Variants in XPO6 observed in about 807,000 individuals in gnomAD.
The protein encoded by XPO6 is exportin-6.
A neutral mutation model predicts 130.0 loss-of-function variants in XPO6; 3 were observed. The ratio of observed to expected loss-of-function variants is 0.02; its 90% CI spans 0.01 to 0.06. The LOEUF (loss-of-function observed/expected upper bound fraction) is 0.06. Among genes scored for constraint, XPO6 ranks in the 10% least tolerant of loss-of-function variants. The pLI is 1.00. For synonymous variants in XPO6, 524 were observed against 548.9 expected (o/e 0.95, Z 0.63); for missense variants, 970 against 1,393.0 (o/e 0.70, Z 4.83).
intron 1 of XPO6, among the ~76,000 whole-genome samples, chr16:28,199,465 A>C (rs1484110832): frequency 6.6e-6 from 1 of 151,524 alleles, no homozygotes; most frequent in Non-Finnish European, 1.5e-5. Context: ...TTAAGTAGAG[A>C]CAGGTTTCGC....
At position 28,204,963 on chromosome 16, in the gene XPO6, T is replaced by C. The variant is rs537601724; in HGVS notation, c.3+6403A>G. ...TATAATCCCAGCATTTTGGGAGGCC[T>C]AGGCAGGGGGATCCCTTGAGCCCAG... On this transcript the variant is annotated intron_variant, in intron 1 of 23. Transcript: ENST00000304658. Among the ~76,000 whole-genome samples, 3 of 152,174 alleles carry C rather than the reference T, an allele frequency of 2.0e-5. No individual in the cohort carries two copies. In the East Asian group the frequency reaches 5.8e-4, roughly 29 times the overall value.
At position 28,106,411 on chromosome 16, in the gene XPO6, T is replaced by C; in HGVS notation, c.2584A>G (p.Ile862Val). 6.2e-7 allele frequency: 1 copy of C among 1,614,196 alleles called. No individual in the cohort carries two copies. Among genetic ancestry groups the C allele is most frequent in the Non-Finnish European group, 8.5e-7 (1 of 1,180,012 alleles). ...GTAAACATGTTGAGGAAAGTCTGTA[T>C]GATTTGCTCAGTGAAAGGCACACCC... Reference protein sequence around the residue: ...QMGVPFTEQIIQTFLNMFTRE... With the variant: ...QMGVPFTEQIVQTFLNMFTRE... The change falls in exon 19 of 24, where the codon ATA (isoleucine) becomes GTA (valine). Residue 862 changes from isoleucine to valine, a missense_variant. Ile to Val is a conservative substitution (Grantham distance 29). Around this residue, in one of 4 missense-constraint regions of XPO6, gnomAD observed 936 missense variants for 1,306.8 expected, o/e 0.72. Coordinates refer to ENST00000304658, the MANE Select transcript of XPO6 (RefSeq NM_015171.4). The surrounding 1 kb of genome is among the most constrained non-coding windows in gnomAD (Gnocchi z 4.2).
intron 21 of XPO6, among the ~76,000 whole-genome samples, chr16:28,103,770 A>G (rs1167876800): frequency 1.3e-5 from 2 of 152,210 alleles, no homozygotes; most frequent in Non-Finnish European, 2.9e-5. Flanking sequence ...CTGCCACACA[A>G]GAGTCAGTAT....
chr16:28,147,803 C>T lies in XPO6; in HGVS notation c.1225-1600G>A, dbSNP rs146328926. On this transcript the variant is annotated intron_variant, in intron 8 of 23. Transcript: ENST00000304658. ...CTCTACTAAAAATACAAAAATTAGC[C>T]GAGCATGGCGATGCACGCCTGTGAT... Among the ~76,000 whole-genome samples, 795 of 152,274 alleles carry T rather than the reference C, an allele frequency of 5.2e-3. 4 individuals are homozygous for T. The highest frequency in any genetic ancestry group is 0.018 in the African/African-American group (751 of 41,568).
rs1280957262 is a variant in XPO6 at position 28,107,550 on chromosome 16, G to A, written c.2469C>T (p.Ala823=). ...SLQESVQVSL[A]LFPAFIHQSD... is the part of the protein sequence containing the mutation. Reference sequence around the variant, plus strand: ...ACTGATGGATAAAAGCTGGAAAGAGGGCCAGGGAGACCTGAACAGATTCCT... The same window carrying A: ...ACTGATGGATAAAAGCTGGAAAGAGAGCCAGGGAGACCTGAACAGATTCCT... Residue 823 remains alanine, a synonymous_variant, in exon 18 of 24, where the codon GCC becomes GCT. Transcript: ENST00000304658. The A allele has an allele frequency of 6.2e-7, 1 of 1,614,182 alleles. No individual in the cohort carries two copies. The highest frequency in any genetic ancestry group is 1.1e-5 in the South Asian group (1 of 91,080).
chr16:28,152,540 C>T (rs1172480647), intron 8 of XPO6, 119 bp downstream of exon 8: 1 of 1,245,424 alleles, frequency 8.0e-7, no homozygotes, highest in Non-Finnish European at 1.1e-6. Context: ...TGACTCTTCA[C>T]ATAATAAGCA....
chr16:28,106,259 G>C lies in XPO6; in HGVS notation c.2613-45C>G, dbSNP rs756468936. On this transcript the variant is annotated intron_variant, in intron 19 of 23. Coordinates refer to ENST00000304658, the MANE Select transcript of XPO6 (RefSeq NM_015171.4). The surrounding 1 kb of genome is among the most constrained non-coding windows in gnomAD (Gnocchi z 4.2). ...ACAGTGAGCAACCACATGTTTCTCT[G>C]GGGGCCAGCATGAAAACCCATGCTG... 1 of 1,608,484 alleles carries C rather than the reference G, an allele frequency of 6.2e-7. No individual in the cohort carries two copies. Among genetic ancestry groups the C allele is most frequent in the South Asian group, 1.1e-5 (1 of 90,934 alleles).
At chr16:28,126,210 A>T (rs2087404813) in intron 12 of XPO6, among the ~76,000 whole-genome samples, 1 of 152,212 alleles carries the variant, frequency 6.6e-6, no homozygotes, top group African/African-American at 2.4e-5. Context: ...GGCACTTGCC[A>T]AGCACGTGTC....
chr16:28,119,061 G>A (rs1303313664), intron 14 of XPO6, among the ~76,000 whole-genome samples: 1 of 152,202 alleles, frequency 6.6e-6, no homozygotes, highest in Non-Finnish European at 1.5e-5. Context: ...TGTTGCCCAG[G>A]CAGGAGTGCA....
intron 1 of XPO6, among the ~76,000 whole-genome samples, chr16:28,186,562 G>T (rs1010431177): frequency 9.3e-5 from 14 of 151,326 alleles, no homozygotes; most frequent in African/African-American, 2.9e-4. Context: ...TAGAGCCTGG[G>T]TCTTGCTCTG....
rs564781182 is a variant in XPO6 at position 28,117,280 on chromosome 16, GAGTT to G, written c.2004+34_2004+37del. On this transcript the variant is annotated intron_variant, in intron 15 of 23. Transcript: ENST00000304658. Reference sequence around the variant, plus strand: ...GTATAGGAACAGAAGGAGAGACAGAGAGTTAGATAAAAGGTGTAGGCTTTGCTGT... The same window carrying G: ...GTATAGGAACAGAAGGAGAGACAGAGAGATAAAAGGTGTAGGCTTTGCTGT... 115 of 1,610,562 alleles carry G rather than the reference GAGTT, an allele frequency of 7.1e-5. No homozygotes were observed. In the African/African-American group the frequency reaches 1.3e-3, roughly 18 times the overall value.
intron 2 of XPO6, among the ~76,000 whole-genome samples, chr16:28,178,324 T>C (rs1398759916): frequency 2.0e-5 from 3 of 152,062 alleles, no homozygotes; most frequent in Non-Finnish European, 4.4e-5. Flanking sequence ...ATCCCAGCAC[T>C]TTGAGAAGCT....
At chr16:28,121,630 T>A in intron 14 of XPO6, 40 bp downstream of exon 14, 1 of 1,416,278 alleles carries the variant, frequency 7.1e-7, no homozygotes, top group Non-Finnish European at 1.0e-6. Flanking sequence ...GGGGGCAAGG[T>A]CTTTCCTAAA....
chr16:28,210,493 G>A (rs2044110132), intron 1 of XPO6, among the ~76,000 whole-genome samples: 1 of 152,218 alleles, frequency 6.6e-6, no homozygotes, highest in East Asian at 1.9e-4. Context: ...TTTGGTCTTT[G>A]AAGGAGCTGT....
rs770078721 is a variant in XPO6, at chr16:28,107,695, T to C, written c.2342-18A>G. 2.5e-6 allele frequency: 4 copies of C among 1,612,044 alleles called. No individual in the cohort carries two copies. Among genetic ancestry groups the C allele is most frequent in the Admixed American group, 1.7e-5 (1 of 59,886 alleles). Reference sequence around the variant, plus strand: ...CAGTTTGGCTGCAAATCAAGATGAGTTGCAGGTTATAAGCTGTCTGGGGAG... The same window carrying C: ...CAGTTTGGCTGCAAATCAAGATGAGCTGCAGGTTATAAGCTGTCTGGGGAG... On this transcript the variant is annotated intron_variant, in intron 17 of 23. Transcript: ENST00000304658.
At chr16:28,141,317 C>T (rs28532216) in intron 9 of XPO6, among the ~76,000 whole-genome samples, 151,708 of 152,318 alleles carry the variant, frequency 1, 75,559 homozygotes, top group Middle Eastern at 1. Flanking sequence ...GGTTTCTTCA[C>T]CTTCCTGTAA....
intron 23 of XPO6, 142 bp from the exon 24 acceptor site, chr16:28,098,781 C>A: frequency 1.7e-6 from 1 of 577,620 alleles, no homozygotes; most frequent in South Asian, 2.4e-5. Flanking sequence ...CACTGTTGCA[C>A]TGCGTGTCAC....
chr16:28,198,061 C>T (rs1301942245), intron 1 of XPO6, among the ~76,000 whole-genome samples: 2 of 145,700 alleles, frequency 1.4e-5, no homozygotes, highest in African/African-American at 5.1e-5. Context: ...AAGGTTTTCG[C>T]AAAGACATTA....
Position 28,105,881 on chromosome 16 carries a change from T to C in XPO6, c.2784+162A>G, listed in dbSNP as rs529961947. On this transcript the variant is annotated intron_variant, in intron 20 of 23. Transcript: ENST00000304658. ...ATGAACTCAATCAATATAAAAACAC[T>C]GTACCACACCACTAAAGGCCTTCTT... 4.8e-6 allele frequency: 5 copies of C among 1,035,578 alleles called. No individual in the cohort carries two copies. The South Asian group carries it at 6.5e-5, about 13-fold the overall frequency. The allele number at this position is 1,035,578 out of a possible 1,614,324, so 64.1% of individuals were successfully genotyped here. A position where few individuals can be genotyped will look rare whatever the true frequency, so the allele number is the denominator to read the frequency against.
Sources: gnomAD v4.1 joint callset for allele counts (sites outside exome capture counted in the v4.1 genomes callset) on GRCh38, gnomAD v4.1.1 for gene constraint, gnomAD v4.1.1 regional missense constraint, Gnocchi (gnomAD v3.1) non-coding constraint, MANE v1.5 for transcripts, NCBI Gene and HGNC (gene_info 2026-07-23, HGNC 2026-07-21) for gene names.